Variants in HMGB1 observed in about 807,000 individuals in gnomAD.
The protein encoded by HMGB1 is high mobility group box 1.
For synonymous variants in HMGB1, 81 were observed against 84.0 expected, an observed-to-expected ratio of 0.96 and a Z score of 0.19; for missense variants, 79 against 253.5, an observed-to-expected ratio of 0.31 and a Z score of 4.67.
At chr13:30,585,210 G>A (rs2137546692) in intron 1 of HMGB1, among the ~76,000 whole-genome samples, 1 of 152,134 alleles carries the variant, frequency 6.6e-6, no homozygotes, top group South Asian at 2.1e-4. Flanking sequence ...CTACTCAGGA[G>A]GCTAAGGTGG....
At chr13:30,482,517 G>C (rs1887254942) in intron 1 of HMGB1, among the ~76,000 whole-genome samples, 1 of 152,142 alleles carries the variant, frequency 6.6e-6, no homozygotes, top group East Asian at 1.9e-4. Context: ...TTTGGGGTGG[G>C]TGTTATTTTC....
At chr13:30,557,686 G>A (rs1041689828) in intron 1 of HMGB1, among the ~76,000 whole-genome samples, 3 of 152,312 alleles carry the variant, frequency 2.0e-5, no homozygotes, top group East Asian at 1.9e-4. Flanking sequence ...AGTCTATGCC[G>A]AGACAAATGA....
At chr13:30,519,733 A>G (rs1034958710) in intron 1 of HMGB1, among the ~76,000 whole-genome samples, 1 of 151,954 alleles carries the variant, frequency 6.6e-6, no homozygotes, top group Non-Finnish European at 1.5e-5. Context: ...GCAGCTAAAG[A>G]TGTCACATTG....
At chr13:30,609,519 C>CCTCTCCT (rs1286110661) in intron 1 of HMGB1, among the ~76,000 whole-genome samples, 3 of 151,988 alleles carry the variant, frequency 2.0e-5, no homozygotes, top group Admixed American at 6.6e-5. Flanking sequence ...AGTGTGCCTG[C>CCTCTCCT]CTCTCCTCCC....
chr13:30,485,300 G>T (rs1454400193), intron 1 of HMGB1, among the ~76,000 whole-genome samples: 1 of 152,058 alleles, frequency 6.6e-6, no homozygotes, highest in African/African-American at 2.4e-5. Context: ...CAAAGTGCTG[G>T]GATTACAGGT....
chr13:30,549,595 A>G (rs1869326617), intron 1 of HMGB1, among the ~76,000 whole-genome samples: 1 of 151,640 alleles, frequency 6.6e-6, no homozygotes, highest in African/African-American at 2.4e-5. Flanking sequence ...GGGCTTCACT[A>G]TGTTGCCCGG....
intron 1 of HMGB1, among the ~76,000 whole-genome samples, chr13:30,569,790 A>G (rs1870350181): frequency 6.6e-6 from 1 of 152,200 alleles, no homozygotes; most frequent in Non-Finnish European, 1.5e-5. Flanking sequence ...AGAGGTGGGA[A>G]GATTAGATAA....
chr13:30,464,841 G>A (rs1281738998), intron 1 of HMGB1: 1 of 155,236 alleles, frequency 6.4e-6, no homozygotes, highest in African/African-American at 2.5e-5. Context: ...CGGCGGGCGG[G>A]GTGCGAGCCG....
chr13:30,581,756 C>A (rs1399541057), intron 1 of HMGB1, among the ~76,000 whole-genome samples: 1 of 152,194 alleles, frequency 6.6e-6, no homozygotes, highest in African/African-American at 2.4e-5. Flanking sequence ...CAGGCAAAGT[C>A]AGAATTTTCT....
chr13:30,613,895 GA>G (rs894037628), intron 1 of HMGB1, among the ~76,000 whole-genome samples: 15 of 144,592 alleles, frequency 1.0e-4, no homozygotes, highest in African/African-American at 2.5e-4. Flanking sequence ...TAAAGATCTG[GA>G]AAAAAAAAAC....
intron 1 of HMGB1, among the ~76,000 whole-genome samples, chr13:30,525,708 A>T (rs1232571056): frequency 1.1e-5 from 1 of 95,132 alleles, no homozygotes; most frequent in Non-Finnish European, 2.4e-5. Flanking sequence ...ATTAAACTCC[A>T]TTATTAACAT....
chr13:30,470,927 G>A (rs1343018600), upstream of HMGB1, among the ~76,000 whole-genome samples: 2 of 151,942 alleles, frequency 1.3e-5, no homozygotes, highest in Admixed American at 1.3e-4. Context: ...GGGATTACAG[G>A]TGTGAGCCAC....
chr13:30,525,518 G>A (rs557854349), intron 1 of HMGB1, among the ~76,000 whole-genome samples: 2 of 152,162 alleles, frequency 1.3e-5, no homozygotes, highest in African/African-American at 4.8e-5. Context: ...TGCACATGGA[G>A]GTACTCACTA....
intron 1 of HMGB1, among the ~76,000 whole-genome samples, chr13:30,545,875 TG>T (rs1271658828): frequency 1.3e-5 from 2 of 152,124 alleles, no homozygotes; most frequent in African/African-American, 4.8e-5. Context: ...CAAATTTTTG[TG>T]TTTTTTATAG....
chr13:30,491,218 C>T (rs529740622), intron 1 of HMGB1, among the ~76,000 whole-genome samples: 9 of 151,976 alleles, frequency 5.9e-5, no homozygotes, highest in South Asian at 4.2e-4. Context: ...TTAGTAGAAA[C>T]GGGGTTTCAC....
chr13:30,554,820 A>G (rs1326357383), intron 1 of HMGB1: 1 of 757,688 alleles, frequency 1.3e-6, no homozygotes, highest in East Asian at 2.5e-5. Context: ...GACACCTAAT[A>G]TTCATGACTT....
At chr13:30,538,482 C>CTTTCTTTCTTTCTTTA (rs1868575408) in intron 1 of HMGB1, among the ~76,000 whole-genome samples, 1 of 33,532 alleles carries the variant, frequency 3.0e-5, no homozygotes, top group African/African-American at 8.9e-5. Context: ...TTCTTTCTTT[C>CTTTCTTTCTTTCTTTA]TTTCTTTCTT....
intron 1 of HMGB1, among the ~76,000 whole-genome samples, chr13:30,473,975 T>C (rs1359938406): frequency 6.6e-6 from 1 of 152,196 alleles, no homozygotes; most frequent in Non-Finnish European, 1.5e-5. Flanking sequence ...TATGATTCCA[T>C]TTATATAAAA....
At chr13:30,571,559 G>T (rs1870435824) in intron 1 of HMGB1, among the ~76,000 whole-genome samples, 1 of 152,170 alleles carries the variant, frequency 6.6e-6, no homozygotes, top group South Asian at 2.1e-4. Flanking sequence ...CTCCCAAAGT[G>T]CTGGGATTAC....
Sources: gnomAD v4.1 joint callset for allele counts (sites outside exome capture counted in the v4.1 genomes callset) on GRCh38, gnomAD v4.1.1 for gene constraint, MANE v1.5 for transcripts, NCBI Gene and HGNC (gene_info 2026-07-23, HGNC 2026-07-21) for gene names.